The following ANKS1B variants were observed in gnomAD, a reference collection of about 807,000 sequenced individuals.
ANKS1B encodes ankyrin repeat and sterile alpha motif domain containing 1B, also known as ankyrin repeat and sterile alpha motif domain-containing protein 1B.
A neutral mutation model predicts 148.3 loss-of-function variants in ANKS1B; 36 were observed. The ratio of observed to expected loss-of-function variants is 0.24; its 90% CI spans 0.19 to 0.32. The LOEUF is 0.32. ANKS1B is among the 10% of genes least tolerant of loss of function. ANKS1B has a pLI of 1.00. For missense variants in ANKS1B, 1,157 were observed against 1,542.6 expected (o/e 0.75, Z 4.19); for synonymous variants, 542 against 560.8 (o/e 0.97, Z 0.47).
chr12:99,583,220 TG>T (rs908816070), intron 9 of ANKS1B, among the ~76,000 whole-genome samples: 2 of 152,186 alleles, frequency 1.3e-5, no homozygotes, highest in African/African-American at 2.4e-5. Flanking sequence ...AGGTACATGT[TG>T]GTTTTTCTCC....
At chr12:99,973,241 G>T (rs536825810) in intron 1 of ANKS1B, among the ~76,000 whole-genome samples, 35 of 152,308 alleles carry the variant, frequency 2.3e-4, no homozygotes, top group Non-Finnish European at 3.8e-4. Flanking sequence ...AATACATTTT[G>T]TAAGGTTATA....
chr12:99,011,279 A>G (rs766204218), intron 17 of ANKS1B, among the ~76,000 whole-genome samples: 2 of 152,186 alleles, frequency 1.3e-5, no homozygotes, highest in Non-Finnish European at 2.9e-5. Flanking sequence ...TAAAAACGAA[A>G]AGACCAAACA....
intron 14 of ANKS1B, among the ~76,000 whole-genome samples, chr12:99,166,486 A>G (rs1198092270): frequency 6.6e-6 from 1 of 151,968 alleles, no homozygotes; most frequent in Non-Finnish European, 1.5e-5. Flanking sequence ...CTAACAATAA[A>G]CAATTGGAAT....
chr12:98,833,728 C>T (rs777087869), intron 17 of ANKS1B, among the ~76,000 whole-genome samples: 14 of 152,096 alleles, frequency 9.2e-5, no homozygotes, highest in Non-Finnish European at 1.8e-4. Flanking sequence ...GGTAGTTTCT[C>T]AGCCCTTCTT....
At chr12:99,197,957 C>T (rs1313102712) in intron 14 of ANKS1B, among the ~76,000 whole-genome samples, 1 of 152,074 alleles carries the variant, frequency 6.6e-6, no homozygotes, top group African/African-American at 2.4e-5. Context: ...TGATTTTGTA[C>T]TTTCTGGTCA....
intron 15 of ANKS1B, among the ~76,000 whole-genome samples, chr12:99,138,791 C>G (rs762239328): frequency 1.1e-4 from 17 of 152,106 alleles, no homozygotes; most frequent in African/African-American, 1.4e-4. Flanking sequence ...TGTCCTTCAC[C>G]CCGTTCTTTA....
chr12:98,804,440 A>G (rs1381929017), intron 20 of ANKS1B, among the ~76,000 whole-genome samples: 1 of 148,288 alleles, frequency 6.7e-6, no homozygotes, highest in Non-Finnish European at 1.5e-5. Flanking sequence ...TTTTAAACTT[A>G]GATCTAAAAG....
intron 12 of ANKS1B, among the ~76,000 whole-genome samples, chr12:99,312,663 T>G (rs180903060): frequency 1.3e-5 from 2 of 152,156 alleles, no homozygotes; most frequent in African/African-American, 4.8e-5. Context: ...AATCAATGAA[T>G]AGGTAAATAT....
intron 8 of ANKS1B, among the ~76,000 whole-genome samples, chr12:99,669,273 T>C (rs529979191): frequency 6.6e-6 from 1 of 152,296 alleles, no homozygotes; most frequent in Non-Finnish European, 1.5e-5. Context: ...TGCACTCAAA[T>C]GATCTTCTTG....
In ANKS1B at chr12:98,973,175, T is replaced by C. The variant is rs147725514; in HGVS notation, c.2778+79982A>G. ...AAATCCTTTACAAAGATCTTGTAAGTTGGGTATTATTACATTCAGTTTAGA... is the reference window on the plus strand; with the variant it reads ...AAATCCTTTACAAAGATCTTGTAAGCTGGGTATTATTACATTCAGTTTAGA... On this transcript the variant is annotated intron_variant, in intron 17 of 26. Transcript: ENST00000683438. 3.6e-3 allele frequency among the ~76,000 whole-genome samples: 538 copies of C among 151,522 alleles called. 3 individuals are homozygous for C. Among genetic ancestry groups the C allele is most frequent in the African/African-American group, 0.013 (520 of 41,160 alleles).
At chr12:99,198,473 C>G (rs987993959) in intron 14 of ANKS1B, among the ~76,000 whole-genome samples, 1 of 152,096 alleles carries the variant, frequency 6.6e-6, no homozygotes, top group Non-Finnish European at 1.5e-5. Context: ...TGGAAATCAA[C>G]GAGTAGTAGG....
At chr12:98,985,564 T>A (rs2099922798) in intron 17 of ANKS1B, among the ~76,000 whole-genome samples, 1 of 151,820 alleles carries the variant, frequency 6.6e-6, no homozygotes, top group Admixed American at 6.6e-5. Flanking sequence ...AGGGTTTACA[T>A]TATTCATCTT....
chr12:99,455,086 C>A (rs973704643), intron 10 of ANKS1B, among the ~76,000 whole-genome samples: 1 of 152,104 alleles, frequency 6.6e-6, no homozygotes, highest in African/African-American at 2.4e-5. Flanking sequence ...TGTATGCTTT[C>A]CCTTTTGTCT....
intron 9 of ANKS1B, among the ~76,000 whole-genome samples, chr12:99,611,032 C>T (rs1350431209): frequency 6.6e-6 from 1 of 152,102 alleles, no homozygotes; most frequent in Non-Finnish European, 1.5e-5. Flanking sequence ...TCCCTGTTCT[C>T]TTCCCACTTT....
intron 8 of ANKS1B, among the ~76,000 whole-genome samples, chr12:99,701,360 A>ATGC (rs780234749): frequency 1.3e-5 from 2 of 152,130 alleles, no homozygotes; most frequent in Non-Finnish European, 2.9e-5. Context: ...AACAACAGAT[A>ATGC]TGCTGCTGCT....
intron 15 of ANKS1B, among the ~76,000 whole-genome samples, chr12:99,136,758 G>C (rs2068227576): frequency 6.6e-6 from 1 of 152,200 alleles, no homozygotes. Flanking sequence ...GGAGAAGAAT[G>C]CAGGAAATGG....
chr12:99,327,384 ATATAT>A (rs1392503183), intron 12 of ANKS1B, among the ~76,000 whole-genome samples: 1 of 132,170 alleles, frequency 7.6e-6, no homozygotes, highest in Non-Finnish European at 1.6e-5. Flanking sequence ...ATATATAATT[ATATAT>A]TATAATTACA....
At chr12:99,107,936 A>G (rs1247876174) in intron 15 of ANKS1B, among the ~76,000 whole-genome samples, 1 of 152,148 alleles carries the variant, frequency 6.6e-6, no homozygotes, top group Non-Finnish European at 1.5e-5. Context: ...GCGACATTAC[A>G]CTTATCTCAA....
In ANKS1B at chr12:99,400,832, C is replaced by A. The variant is rs2152586379; in HGVS notation, c.1576-1021G>T. On this transcript the variant is annotated intron_variant, in intron 11 of 26. Coordinates refer to ENST00000683438, the MANE Select transcript of ANKS1B (RefSeq NM_001352186.2). Reference sequence around the variant, plus strand: ...TTTGGTTTACTAATGTTTTTATTACCCTTAAATATGTGTTAATCCCTGTAC... The same window carrying A: ...TTTGGTTTACTAATGTTTTTATTACACTTAAATATGTGTTAATCCCTGTAC... 2.1e-5 allele frequency among the ~76,000 whole-genome samples: 3 copies of A among 144,298 alleles called. No homozygotes were observed. In the South Asian group the frequency reaches 6.3e-4, roughly 30 times the overall value. 94.7% of individuals were successfully genotyped at this position (144,298 alleles called of 152,430 possible).
Sources: allele counts gnomAD v4.1 joint callset (sites outside exome capture counted in the v4.1 genomes callset), GRCh38; gene constraint gnomAD v4.1.1; transcripts MANE v1.5; gene names NCBI Gene and HGNC (gene_info 2026-07-23, HGNC 2026-07-21).